The following CYFIP1 variants were observed in gnomAD, a reference collection of about 807,000 sequenced individuals.
CYFIP1 encodes the protein cytoplasmic FMR1-interacting protein 1.
CYFIP1 carries 58 observed loss-of-function variants against 163.5 expected under a neutral mutation model. The observed-to-expected ratio is 0.35, with a 90% CI of 0.29 to 0.44. The LOEUF (loss-of-function observed/expected upper bound fraction) is 0.44, where lower values mean the gene tolerates loss of function less well. Among genes scored for constraint, CYFIP1 ranks in the 20% least tolerant of loss-of-function variants. The probability of loss-of-function intolerance (pLI) is 1.00; values close to 1 mark genes in which losing one functional copy is unlikely to be tolerated. For missense variants in CYFIP1, 1,338 were observed against 1,653.8 expected, an observed-to-expected ratio of 0.81 and a Z score of 3.31; for synonymous variants, 663 against 660.7, an observed-to-expected ratio of 1.00 and a Z score of -0.05.
At chr15:22,934,706 G>A (rs545507167) in intron 9 of CYFIP1, among the ~76,000 whole-genome samples, 46 of 150,654 alleles carry the variant, frequency 3.1e-4, no homozygotes, top group African/African-American at 1.0e-3. Context: ...CACCGTGTTA[G>A]CCAGGATGGT....
chr15:22,944,820 G>A (rs1483973197), intron 4 of CYFIP1, 42 bp downstream of exon 4: 1 of 1,597,280 alleles, frequency 6.3e-7, no homozygotes, highest in Admixed American at 1.7e-5. Flanking sequence ...CAGGGGCCTG[G>A]CAGGGTGTGG....
chr15:22,878,731 G>C (rs2059658880), intron 26 of CYFIP1, among the ~76,000 whole-genome samples: 1 of 148,152 alleles, frequency 6.7e-6, no homozygotes, highest in Non-Finnish European at 1.5e-5. Flanking sequence ...CAAATTAAGA[G>C]CATTTTATCA....
At chr15:22,979,454 AAAC>A (rs141172742) in intron 1 of CYFIP1, among the ~76,000 whole-genome samples, 27,702 of 151,970 alleles carry the variant, frequency 0.18, 2,893 homozygotes, top group African/African-American at 0.27. Context: ...CGCCGCCAGA[AAAC>A]AAACGCTCCC....
At chr15:22,883,156 G>T in intron 23 of CYFIP1, 145 bp from the exon 24 acceptor site, 2 of 859,690 alleles carry the variant, frequency 2.3e-6, no homozygotes, top group Non-Finnish European at 3.4e-6. Flanking sequence ...CCCTTAACTG[G>T]TACAGTTACA....
At position 22,873,542 on chromosome 15, in the gene CYFIP1, G is replaced by A; in HGVS notation, c.3398C>T (p.Ala1133Val). Residue 1133 changes from alanine to valine, a missense_variant, in exon 29 of 31, where the codon GCC (alanine) becomes GTC (valine). By Grantham distance (64) the Ala-to-Val change is moderately conservative. Around this residue, in one of 4 missense-constraint regions of CYFIP1, gnomAD observed 306 missense variants for 322.1 expected, o/e 0.95. Coordinates refer to ENST00000617928, the MANE Select transcript of CYFIP1 (RefSeq NM_014608.6). The part of the protein sequence containing the change: ...ECVEFHRLWS[A>V]MQFVYCIPVG... ...GGGAATGCAGTAGACAAACTGCATGGCACTCCACAGTCTGTGAAACTCCAC... is the reference window on the plus strand; with the variant it reads ...GGGAATGCAGTAGACAAACTGCATGACACTCCACAGTCTGTGAAACTCCAC... 6.2e-7 allele frequency: 1 copy of A among 1,614,196 alleles called. No individual in the cohort carries two copies.
chr15:22,940,617 A>G (rs1002967888), intron 6 of CYFIP1, among the ~76,000 whole-genome samples: 1 of 152,246 alleles, frequency 6.6e-6, no homozygotes, highest in African/African-American at 2.4e-5. Flanking sequence ...CACCCAATTC[A>G]GGACTTTTCA....
At chr15:22,942,603 A>G (rs1415382056) in intron 6 of CYFIP1, among the ~76,000 whole-genome samples, 2 of 152,164 alleles carry the variant, frequency 1.3e-5, no homozygotes, top group Non-Finnish European at 2.9e-5. Flanking sequence ...CAGCCTCTCC[A>G]GAGGCTAGCT....
In CYFIP1 at chr15:22,875,519, T is replaced by C. The variant is rs375243652; in HGVS notation, c.3043-248A>G. The C allele has an allele frequency of 2.1e-4, 99 of 475,644 alleles. No individual in the cohort carries two copies. In the East Asian group the frequency reaches 2.2e-3, roughly 10 times the overall value. The allele number at this position is 475,644 out of a possible 1,614,324, so 29.5% of individuals were successfully genotyped here. A position where few individuals can be genotyped will look rare whatever the true frequency, so the allele number is the denominator to read the frequency against. ...TTGGCACTTGAGGAACTGAATTTTATTTTTAGTTACATTTAATTAATGTAA... is the reference window on the plus strand; with the variant it reads ...TTGGCACTTGAGGAACTGAATTTTACTTTTAGTTACATTTAATTAATGTAA... On this transcript the variant is annotated intron_variant, in intron 26 of 30. Coordinates refer to ENST00000617928, the MANE Select transcript of CYFIP1 (RefSeq NM_014608.6).
chr15:22,955,993 G>A (rs1255623982), intron 1 of CYFIP1, among the ~76,000 whole-genome samples: 1 of 152,118 alleles, frequency 6.6e-6, no homozygotes, highest in Non-Finnish European at 1.5e-5. Flanking sequence ...CGAGGCTTGA[G>A]GTCAGGAGTT....
intron 12 of CYFIP1, among the ~76,000 whole-genome samples, chr15:22,927,349 G>A (rs1248942524): frequency 6.6e-6 from 1 of 151,956 alleles, no homozygotes; most frequent in Admixed American, 6.6e-5. Context: ...AGAAGTGGTG[G>A]TGGGCGCCTG....
At chr15:22,951,052 T>C (rs1487780397) in intron 1 of CYFIP1, among the ~76,000 whole-genome samples, 1 of 152,190 alleles carries the variant, frequency 6.6e-6, no homozygotes, top group African/African-American at 2.4e-5. Flanking sequence ...CAGGGTTCAG[T>C]ACAGTCTCCA....
rs998848199 is a variant in CYFIP1, at chr15:22,867,705, TAA to T, written c.*2321_*2322del. 3 of 152,344 alleles carry T rather than the reference TAA, an allele frequency of 2.0e-5. No homozygotes were observed. Among genetic ancestry groups the T allele is most frequent in the African/African-American group, 7.2e-5 (3 of 41,458 alleles). 9.4% of individuals were successfully genotyped at this position (152,344 alleles called of 1,614,324 possible). ...TTCTTAAATTTAGCTCATGTTATAA[TAA>T]AAAGTTGAAATGAAGTTCTTATTCT... is the stretch of plus-strand genomic sequence containing the variant. On this transcript the variant is annotated 3_prime_UTR_variant, in exon 31 of 31. Coordinates refer to ENST00000617928, the MANE Select transcript of CYFIP1 (RefSeq NM_014608.6).
Position 22,916,650 on chromosome 15 carries a change from A to T in CYFIP1, c.1675-20T>A. 1.2e-6 allele frequency: 2 copies of T among 1,614,130 alleles called. No individual in the cohort carries two copies. Among genetic ancestry groups the T allele is most frequent in the Non-Finnish European group, 1.7e-6 (2 of 1,180,002 alleles). On this transcript the variant is annotated intron_variant, in intron 15 of 30. Coordinates refer to ENST00000617928, the MANE Select transcript of CYFIP1 (RefSeq NM_014608.6). ...GTAAAGCTGGATTATCCAAGGAAACATTTGTGGGGGAGAAAATATACATGG... is the reference window on the plus strand; with the variant it reads ...GTAAAGCTGGATTATCCAAGGAAACTTTTGTGGGGGAGAAAATATACATGG...
At chr15:22,973,680 G>C (rs1275985092) in intron 1 of CYFIP1, among the ~76,000 whole-genome samples, 2 of 151,990 alleles carry the variant, frequency 1.3e-5, no homozygotes, top group Non-Finnish European at 2.9e-5. Context: ...AGCCTCAAAA[G>C]CAAAGGCCAC....
intron 1 of CYFIP1, chr15:22,951,528 C>T (rs778315669): frequency 7.8e-7 from 1 of 1,287,886 alleles, no homozygotes; most frequent in South Asian, 1.2e-5. Context: ...ATAGGGGCTG[C>T]CCGTGTCCTG....
chr15:22,874,063 G>T (rs1313888194), intron 28 of CYFIP1, among the ~76,000 whole-genome samples: 1 of 152,310 alleles, frequency 6.6e-6, no homozygotes, highest in African/African-American at 2.4e-5. Flanking sequence ...TGGGTGGAGC[G>T]GGTCTACTGG....
chr15:22,884,001 G>C (rs1234009688), intron 23 of CYFIP1, among the ~76,000 whole-genome samples: 1 of 152,076 alleles, frequency 6.6e-6, no homozygotes, highest in Non-Finnish European at 1.5e-5. Flanking sequence ...GATCTCGTGA[G>C]AACTCACTCA....
chr15:22,977,248 T>A (rs1331636428), intron 1 of CYFIP1, among the ~76,000 whole-genome samples: 1 of 152,072 alleles, frequency 6.6e-6, no homozygotes, highest in African/African-American at 2.4e-5. Context: ...TGACTTTGTA[T>A]CTTGTGACCT....
intron 1 of CYFIP1, chr15:22,951,590 A>T (rs2062251319): frequency 7.8e-7 from 1 of 1,278,744 alleles, no homozygotes; most frequent in African/African-American, 1.5e-5. Flanking sequence ...CTGAACCCAG[A>T]TAGTGCCAGG....
Sources: allele counts gnomAD v4.1 joint callset (sites outside exome capture counted in the v4.1 genomes callset), GRCh38; gene constraint gnomAD v4.1.1; regional missense constraint gnomAD v4.1.1; transcripts MANE v1.5; gene names NCBI Gene and HGNC (gene_info 2026-07-23, HGNC 2026-07-21).